Variants in BPNT1 observed in about 807,000 individuals in gnomAD.
BPNT1 encodes the protein 3'(2'), 5'-bisphosphate nucleotidase 1.
BPNT1 carries 28 observed loss-of-function variants against 36.9 expected under a neutral mutation model. That is an observed-to-expected ratio of 0.76 (90% confidence interval 0.56 to 1.04). The LOEUF (loss-of-function observed/expected upper bound fraction) is 1.04. Ranked by LOEUF, BPNT1 falls within the 50% of genes least tolerant of loss-of-function variation. The pLI, the probability that BPNT1 is intolerant of heterozygous loss-of-function variation, is 0.00. For missense variants in BPNT1, 313 were observed against 372.9 expected, an observed-to-expected ratio of 0.84 and a Z score of 1.32; for synonymous variants, 119 against 130.9, an observed-to-expected ratio of 0.91 and a Z score of 0.62.
At position 220,079,758 on chromosome 1, in the gene BPNT1, A is replaced by G. The variant is rs764125428; in HGVS notation, c.89T>C (p.Ile30Thr). 2.5e-6 allele frequency: 4 copies of G among 1,614,182 alleles called. No individual in the cohort carries two copies. The highest frequency in any genetic ancestry group is 2.2e-5 in the East Asian group (1 of 44,870). Reference protein sequence around the residue: ...QKAGMIVRRVIAEGDLGIVEK... With the variant: ...QKAGMIVRRVTAEGDLGIVEK... ...CACAATACCCAGGTCTCCTTCAGCA[A>G]TAACACGTCTGACTATCATTCCTGC... The change falls in exon 2 of 9, where the codon ATT (isoleucine) becomes ACT (threonine). Residue 30 changes from isoleucine to threonine, a missense_variant. Coordinates refer to ENST00000322067, the MANE Select transcript of BPNT1 (RefSeq NM_006085.6).
chr1:220,085,236 C>T (rs149210553), intron 1 of BPNT1, among the ~76,000 whole-genome samples: 122 of 152,324 alleles, frequency 8.0e-4, no homozygotes, highest in African/African-American at 2.4e-3. Context: ...TAGCTACAGG[C>T]AAGTTAACTT....
At chr1:220,080,995 C>T (rs1168981754) in intron 1 of BPNT1, among the ~76,000 whole-genome samples, 1 of 152,194 alleles carries the variant, frequency 6.6e-6, no homozygotes, top group African/African-American at 2.4e-5. Context: ...GACGGAGTCT[C>T]GCTCTGTCGC....
intron 1 of BPNT1, among the ~76,000 whole-genome samples, chr1:220,081,448 C>G (rs906480736): frequency 6.6e-6 from 1 of 151,856 alleles, no homozygotes; most frequent in Non-Finnish European, 1.5e-5. Context: ...GAGGCTAAGG[C>G]AGGAGAATCG....
chr1:220,083,177 C>A (rs1042024508), intron 1 of BPNT1, among the ~76,000 whole-genome samples: 2 of 149,014 alleles, frequency 1.3e-5, no homozygotes, highest in Admixed American at 1.3e-4. Context: ...GTGTAGATTG[C>A]AGTGGGCCGA....
At chr1:220,081,472 C>T (rs1021534703) in intron 1 of BPNT1, among the ~76,000 whole-genome samples, 7 of 151,764 alleles carry the variant, frequency 4.6e-5, no homozygotes, top group Admixed American at 6.6e-5. Flanking sequence ...GAACCTGGGA[C>T]GCAGAGGCTG....
At chr1:220,076,404 G>A (rs969557273) in intron 2 of BPNT1, among the ~76,000 whole-genome samples, 4 of 151,628 alleles carry the variant, frequency 2.6e-5, no homozygotes, top group African/African-American at 9.7e-5. Context: ...GGGAGGCTGA[G>A]GCAGGAAAAC....
At chr1:220,074,178 G>A (rs1644998293) in intron 2 of BPNT1, 107 bp from the exon 3 acceptor site, 1 of 1,000,300 alleles carries the variant, frequency 1.0e-6, no homozygotes. Flanking sequence ...TCAGTTTTTA[G>A]AGTCATAGAA....
chr1:220,075,715 C>T (rs1253909674), intron 2 of BPNT1, among the ~76,000 whole-genome samples: 1 of 152,116 alleles, frequency 6.6e-6, no homozygotes, highest in Non-Finnish European at 1.5e-5. Context: ...AACATAGTTC[C>T]AGACATCATC....
At chr1:220,074,447 AAT>A (rs1017701828) in intron 2 of BPNT1, among the ~76,000 whole-genome samples, 54 of 152,256 alleles carry the variant, frequency 3.5e-4, no homozygotes, top group African/African-American at 1.1e-3. Flanking sequence ...TCCTAATCAT[AAT>A]AATTCAACAG....
chr1:220,079,882 G>C, intron 1 of BPNT1, 28 bp from the exon 2 acceptor site: 1 of 1,598,026 alleles, frequency 6.3e-7, no homozygotes. Flanking sequence ...AAAATGTCTT[G>C]TTAGTTTCAA....
intron 7 of BPNT1, among the ~76,000 whole-genome samples, chr1:220,060,120 T>C (rs887471676): frequency 6.6e-6 from 1 of 152,144 alleles, no homozygotes; most frequent in Non-Finnish European, 1.5e-5. Flanking sequence ...TTTTTTAGTG[T>C]AAAAGCAATA....
At chr1:220,078,423 A>G (rs1400389857) in intron 2 of BPNT1, among the ~76,000 whole-genome samples, 1 of 142,036 alleles carries the variant, frequency 7.0e-6, no homozygotes, top group Non-Finnish European at 1.5e-5. Flanking sequence ...TATAATAATA[A>G]ATAATAATTA....
chr1:220,080,951 T>C (rs1341940915), intron 1 of BPNT1, among the ~76,000 whole-genome samples: 1 of 152,206 alleles, frequency 6.6e-6, no homozygotes, highest in Non-Finnish European at 1.5e-5. Flanking sequence ...AAACAGCCTT[T>C]AGAATCAAGT....
chr1:220,059,035 TG>T (rs777098270), intron 8 of BPNT1, 43 bp from the exon 9 acceptor site: 1 of 1,601,218 alleles, frequency 6.2e-7, no homozygotes, highest in Non-Finnish European at 8.5e-7. Context: ...AGTGGCTAAT[TG>T]GATTGTGGTT....
At chr1:220,074,412 G>A (rs1011312864) in intron 2 of BPNT1, among the ~76,000 whole-genome samples, 1 of 152,050 alleles carries the variant, frequency 6.6e-6, no homozygotes, top group Non-Finnish European at 1.5e-5. Flanking sequence ...GTGTTCCGTG[G>A]ATCTTTCTAT....
intron 3 of BPNT1, among the ~76,000 whole-genome samples, chr1:220,073,477 C>CAGGG (rs1248746642): frequency 6.6e-6 from 1 of 151,926 alleles, no homozygotes; most frequent in Non-Finnish European, 1.5e-5. Context: ...TTAGTAGAGA[C>CAGGG]AGGGTTCAGT....
intron 7 of BPNT1, among the ~76,000 whole-genome samples, chr1:220,060,637 G>A (rs965055266): frequency 1.1e-4 from 16 of 152,114 alleles, no homozygotes; most frequent in African/African-American, 3.4e-4. Flanking sequence ...GGGATCACAC[G>A]TATTGCCATT....
At chr1:220,078,683 G>A (rs888217303) in intron 2 of BPNT1, among the ~76,000 whole-genome samples, 1 of 150,282 alleles carries the variant, frequency 6.7e-6, no homozygotes, top group East Asian at 1.9e-4. Flanking sequence ...CTGCAACCTC[G>A]CTCTCCCAGA....
At chr1:220,078,211 A>T (rs2102727556) in intron 2 of BPNT1, among the ~76,000 whole-genome samples, 1 of 147,992 alleles carries the variant, frequency 6.8e-6, no homozygotes. Context: ...AAAAAAGATT[A>T]TAATAAAGAA....
Sources: gnomAD v4.1 joint callset for allele counts (sites outside exome capture counted in the v4.1 genomes callset) on GRCh38, gnomAD v4.1.1 for gene constraint, MANE v1.5 for transcripts, NCBI Gene and HGNC (gene_info 2026-07-23, HGNC 2026-07-21) for gene names.